Variants in ELFN2 observed in about 807,000 individuals in gnomAD.
ELFN2 encodes protein phosphatase 1 regulatory subunit 29.
ELFN2 carries 17 observed loss-of-function variants against 45.5 expected under a neutral mutation model. That is an observed-to-expected ratio of 0.37 (90% CI 0.26 to 0.56). ELFN2 has a LOEUF of 0.56. ELFN2 is among the 20% of genes least tolerant of loss of function. The pLI is 0.77. For synonymous variants in ELFN2, 550 were observed against 551.5 expected, an observed-to-expected ratio of 1.00 and a Z score of 0.04; for missense variants, 922 against 1,183.2, an observed-to-expected ratio of 0.78 and a Z score of 3.24.
chr22:37,383,692 A>G (rs1225622195), intron 2 of ELFN2, among the ~76,000 whole-genome samples: 2 of 152,228 alleles, frequency 1.3e-5, no homozygotes, highest in East Asian at 3.8e-4. Context: ...TTCCACATGT[A>G]TTCCCTGAAC....
Position 37,374,004 on chromosome 22 carries a change from C to T in ELFN2, c.1531G>A (p.Gly511Arg), listed in dbSNP as rs149473582. ...TCCTCGGGCCGAGCCAGACCGTCCC[C>T]GCCGGCGCCTGTGCGCACCTCGATA... ...NYIEVRTGAG[G>R]DGLARPEDDL... Residue 511 changes from glycine to arginine, a missense_variant, in exon 3 of 3, where the codon GGG becomes AGG. Transcript: ENST00000402918. 4.1e-5 allele frequency: 66 copies of T among 1,613,094 alleles called. No homozygotes were observed. In the African/African-American group the frequency reaches 4.5e-4, roughly 11 times the overall value.
At chr22:37,354,891 T>C (rs1930913058) in intron 1 of ELFN2, 1 of 152,152 alleles carries the variant, frequency 6.6e-6, no homozygotes, top group African/African-American at 2.4e-5. Context: ...AAATGTCCCC[T>C]GGGGGTAAGG....
At chr22:37,407,073 G>T (rs1451664148) in intron 2 of ELFN2, among the ~76,000 whole-genome samples, 1 of 152,250 alleles carries the variant, frequency 6.6e-6, no homozygotes, top group East Asian at 1.9e-4. Flanking sequence ...GCAATGATCA[G>T]AGGGAAGTTT....
chr22:37,359,679 G>A (rs1334607730), intron 1 of ELFN2, among the ~76,000 whole-genome samples: 1 of 152,210 alleles, frequency 6.6e-6, no homozygotes, highest in Non-Finnish European at 1.5e-5. Flanking sequence ...GTTCGGAGGA[G>A]CACTCCAAGG....
At chr22:37,341,031 A>T (rs1930547374) in intron 2 of ELFN2, 1 of 152,276 alleles carries the variant, frequency 6.6e-6, no homozygotes, top group Non-Finnish European at 1.5e-5. Context: ...AGAGATAGAG[A>T]GAGGGAGGGA....
At chr22:37,409,966 C>T (rs925140718) in intron 2 of ELFN2, among the ~76,000 whole-genome samples, 7 of 152,130 alleles carry the variant, frequency 4.6e-5, no homozygotes, top group Non-Finnish European at 7.4e-5. Flanking sequence ...CTGCTGTGCA[C>T]GCCGAGAGCA....
chr22:37,357,569 T>C (rs185029889), intron 1 of ELFN2, among the ~76,000 whole-genome samples: 1 of 152,344 alleles, frequency 6.6e-6, no homozygotes, highest in Admixed American at 6.5e-5. Flanking sequence ...AAACCATCTG[T>C]AGCAGTGCTT....
In ELFN2 at chr22:37,373,239, T is replaced by C; in HGVS notation, c.2296A>G (p.Thr766Ala). ...CGGAAGCGCTCCCAGATCTTGTGCG[T>C]GCTCTCGGATGAGTACTCGGGGCTG... ...SSSPEYSSES[T>A]HKIWERFRPY... The change falls in exon 3 of 3, where the codon ACG (threonine) becomes GCG (alanine). Residue 766 changes from threonine to alanine, a missense_variant. Physicochemically the swap from Thr to Ala is moderately conservative, Grantham distance 58. Coordinates refer to ENST00000402918, the MANE Select transcript of ELFN2 (RefSeq NM_052906.5). The C allele has an allele frequency of 1.2e-6, 2 of 1,613,902 alleles. No individual in the cohort carries two copies. The highest frequency in any genetic ancestry group is 1.7e-6 in the Non-Finnish European group (2 of 1,180,010).
chr22:37,349,243 G>C (rs1228916186), intron 1 of ELFN2, among the ~76,000 whole-genome samples: 1 of 151,218 alleles, frequency 6.6e-6, no homozygotes, highest in Non-Finnish European at 1.5e-5. Flanking sequence ...ATAGGACTGG[G>C]TGCTTGTGAG....
intron 1 of ELFN2, among the ~76,000 whole-genome samples, chr22:37,423,694 A>G (rs1007946671): frequency 6.6e-6 from 1 of 152,144 alleles, no homozygotes; most frequent in African/African-American, 2.4e-5. Flanking sequence ...TATTATCACT[A>G]TAGTTATTAC....
At chr22:37,383,329 C>A (rs567140752) in intron 2 of ELFN2, among the ~76,000 whole-genome samples, 2 of 152,350 alleles carry the variant, frequency 1.3e-5, no homozygotes, top group East Asian at 3.9e-4. Flanking sequence ...ACACACACGG[C>A]CAGGCAGCCC....
At chr22:37,408,415 T>C (rs1308931049) in intron 2 of ELFN2, among the ~76,000 whole-genome samples, 1 of 152,240 alleles carries the variant, frequency 6.6e-6, no homozygotes, top group Non-Finnish European at 1.5e-5. Context: ...GCTGAGCGCC[T>C]GAGCCTCACT....
At chr22:37,350,591 T>C (rs1234806085) in intron 1 of ELFN2, among the ~76,000 whole-genome samples, 1 of 149,642 alleles carries the variant, frequency 6.7e-6, no homozygotes, top group Non-Finnish European at 1.5e-5. Flanking sequence ...TCCTTTCCCC[T>C]CCCCGGGCCT....
chr22:37,409,426 C>T (rs1932591757), intron 2 of ELFN2, among the ~76,000 whole-genome samples: 1 of 152,162 alleles, frequency 6.6e-6, no homozygotes, highest in Middle Eastern at 3.2e-3. Context: ...TCCCCAGAGA[C>T]AGCCAGGGGT....
chr22:37,362,578 G>A (rs9622609), intron 1 of ELFN2, among the ~76,000 whole-genome samples: 3 of 152,060 alleles, frequency 2.0e-5, no homozygotes, highest in Non-Finnish European at 2.9e-5. Context: ...GGCCATGCCC[G>A]ATCTGGGACT....
At position 37,374,549 on chromosome 22, in the gene ELFN2, TTGTAC is replaced by T. The variant is rs1251829914; in HGVS notation, c.981_985del (p.Tyr328GlnfsTer27). Reference sequence around the variant, plus strand: ...CATGACGTCGGAGAAGTAGCTGTTGTTGTACTGCACGAGGATGTACATCTTGCTGT... The same window carrying T: ...CATGACGTCGGAGAAGTAGCTGTTGTTGCACGAGGATGTACATCTTGCTGT... On this transcript the variant is annotated frameshift_variant, in exon 3 of 3. Coordinates refer to ENST00000402918, the MANE Select transcript of ELFN2 (RefSeq NM_052906.5). LOFTEE classifies it high-confidence loss of function. 1 of 1,614,106 alleles carries T rather than the reference TTGTAC, an allele frequency of 6.2e-7. No homozygotes were observed. Among genetic ancestry groups the T allele is most frequent in the African/African-American group, 1.3e-5 (1 of 74,944 alleles).
intron 2 of ELFN2, among the ~76,000 whole-genome samples, chr22:37,394,337 G>C (rs76326126): frequency 5.1e-4 from 77 of 152,242 alleles, no homozygotes; most frequent in Non-Finnish European, 8.4e-4. Flanking sequence ...TGCTCGGCTC[G>C]GGTGCTGTCT....
chr22:37,407,614 GCGGC>G (rs1932537241), intron 2 of ELFN2, among the ~76,000 whole-genome samples: 1 of 152,124 alleles, frequency 6.6e-6, no homozygotes, highest in Admixed American at 6.5e-5. Context: ...GCCCCACCCG[GCGGC>G]CAGGCGCAGT....
intron 2 of ELFN2, among the ~76,000 whole-genome samples, chr22:37,412,292 AAAAG>A (rs71296617): frequency 2.0e-5 from 3 of 146,370 alleles, no homozygotes; most frequent in Non-Finnish European, 3.0e-5. Context: ...AAAAAAAAAA[AAAAG>A]AAAGAAAGAA....
Sources: gnomAD v4.1 joint callset for allele counts (sites outside exome capture counted in the v4.1 genomes callset) on GRCh38, gnomAD v4.1.1 for gene constraint, MANE v1.5 for transcripts, NCBI Gene and HGNC (gene_info 2026-07-23, HGNC 2026-07-21) for gene names.